The following CSMD2 variants were observed in gnomAD, a reference collection of about 807,000 sequenced individuals.
CSMD2 encodes the protein CUB and sushi domain-containing protein 2.
Under a neutral mutation model 398.5 loss-of-function variants are expected in CSMD2, and 130 were observed. The observed-to-expected ratio is 0.33, with a 90% CI of 0.28 to 0.38. The LOEUF is 0.38. Among genes scored for constraint, CSMD2 ranks in the 10% least tolerant of loss-of-function variants. CSMD2 has a pLI of 1.00. For missense variants in CSMD2, 3,829 were observed against 4,764.9 expected (o/e 0.80, Z 5.78); for synonymous variants, 1,828 against 1,908.5 (o/e 0.96, Z 1.10).
At chr1:34,022,617 G>C (rs1481795410) in intron 3 of CSMD2, among the ~76,000 whole-genome samples, 1 of 152,190 alleles carries the variant, frequency 6.6e-6, no homozygotes, top group Non-Finnish European at 1.5e-5. Flanking sequence ...TTTAGGCAGA[G>C]AACAGAAGAG....
At chr1:33,886,200 C>T (rs1353174446) in intron 5 of CSMD2, among the ~76,000 whole-genome samples, 3 of 152,114 alleles carry the variant, frequency 2.0e-5, no homozygotes, top group Non-Finnish European at 4.4e-5. Context: ...CCATGGGTGA[C>T]AGGAGCCATC....
chr1:33,741,032 G>A (rs891384874), intron 14 of CSMD2, among the ~76,000 whole-genome samples: 2 of 152,124 alleles, frequency 1.3e-5, no homozygotes, highest in Non-Finnish European at 1.5e-5. Context: ...TGACTGTTGA[G>A]TGCTCAGCAC....
chr1:33,674,742 A>T (rs1351302879), intron 25 of CSMD2, among the ~76,000 whole-genome samples: 1 of 152,222 alleles, frequency 6.6e-6, no homozygotes, highest in East Asian at 1.9e-4. Flanking sequence ...AAAGAACAGA[A>T]ATTATAACAA....
intron 12 of CSMD2, among the ~76,000 whole-genome samples, chr1:33,781,279 TCA>T (rs1652731021): frequency 6.6e-6 from 1 of 152,250 alleles, no homozygotes. Context: ...CAAGCAAGTC[TCA>T]GTTTCAGACA....
chr1:33,535,735 C>T (rs2641953), intron 62 of CSMD2, among the ~76,000 whole-genome samples: 96,606 of 151,992 alleles, frequency 0.64, 30,890 homozygotes, highest in Non-Finnish European at 0.68. Flanking sequence ...AGCTGGCCTA[C>T]TTTCCAGGCC....
intron 2 of CSMD2, among the ~76,000 whole-genome samples, chr1:34,059,715 T>C (rs1654246858): frequency 7.0e-6 from 1 of 142,384 alleles, no homozygotes; most frequent in Non-Finnish European, 1.5e-5. Flanking sequence ...GGGGAATGAA[T>C]ACGTGAATGA....
At chr1:33,801,355 G>A (rs918824486) in intron 10 of CSMD2, among the ~76,000 whole-genome samples, 1 of 152,130 alleles carries the variant, frequency 6.6e-6, no homozygotes, top group Non-Finnish European at 1.5e-5. Context: ...TGTGTAGGTA[G>A]GGGGCATCAA....
At chr1:34,080,550 A>G (rs911960712) in intron 2 of CSMD2, among the ~76,000 whole-genome samples, 2 of 152,134 alleles carry the variant, frequency 1.3e-5, no homozygotes, top group Non-Finnish European at 2.9e-5. Context: ...AATAATTTCT[A>G]AAGTATAAAC....
intron 15 of CSMD2, among the ~76,000 whole-genome samples, chr1:33,731,328 T>A (rs1013593829): frequency 1.3e-5 from 2 of 152,182 alleles, no homozygotes. Context: ...TTATAGCATG[T>A]TACCATTTTG....
chr1:33,614,357 C>T, intron 40 of CSMD2, 147 bp downstream of exon 40: 2 of 640,294 alleles, frequency 3.1e-6, no homozygotes, highest in Non-Finnish European at 2.9e-6. Flanking sequence ...CACAATTGTA[C>T]AAGAGGTCAA....
At chr1:34,141,979 G>C (rs1160579880) in intron 1 of CSMD2, among the ~76,000 whole-genome samples, 1 of 152,134 alleles carries the variant, frequency 6.6e-6, no homozygotes, top group East Asian at 1.9e-4. Context: ...GGTATCAAGG[G>C]TGACCACCAG....
At chr1:34,067,785 A>AT (rs1263183473) in intron 2 of CSMD2, among the ~76,000 whole-genome samples, 2 of 152,234 alleles carry the variant, frequency 1.3e-5, no homozygotes, top group African/African-American at 4.8e-5. Context: ...TCAAAATAAA[A>AT]TGAATAAAAA....
rs149050382 is a variant in CSMD2, at chr1:34,079,520, A to T, written c.404+9457T>A. Among the ~76,000 whole-genome samples, 64 of 152,338 alleles carry T rather than the reference A, an allele frequency of 4.2e-4. No individual in the cohort carries two copies. The East Asian group carries it at 0.012, about 29-fold the overall frequency. ...AAATTTCCATGTCAAGATGAAGAGGAACGATAACATGTTAAACTCTGCCTT... is the reference window on the plus strand; with the variant it reads ...AAATTTCCATGTCAAGATGAAGAGGTACGATAACATGTTAAACTCTGCCTT... On this transcript the variant is annotated intron_variant, in intron 2 of 70. Transcript: ENST00000373381.
intron 12 of CSMD2, among the ~76,000 whole-genome samples, chr1:33,782,966 G>C (rs1288773837): frequency 2.0e-5 from 3 of 152,278 alleles, no homozygotes; most frequent in East Asian, 3.9e-4. Context: ...ATGGGAGTGA[G>C]AGGACTAGAG....
At chr1:33,521,652 G>A (rs1377832521) in intron 67 of CSMD2, 102 bp from the exon 68 acceptor site, 3 of 800,534 alleles carry the variant, frequency 3.7e-6, no homozygotes, top group Non-Finnish European at 6.6e-6. Flanking sequence ...CCACTGACCT[G>A]CTGCTCTGAC....
intron 5 of CSMD2, among the ~76,000 whole-genome samples, chr1:33,876,812 T>A (rs1405187260): frequency 2.0e-5 from 3 of 152,168 alleles, no homozygotes; most frequent in Non-Finnish European, 4.4e-5. Flanking sequence ...GCCCTGGAAC[T>A]CTCAAGGCCC....
chr1:33,655,798 G>A (rs1643928178), intron 27 of CSMD2, among the ~76,000 whole-genome samples: 2 of 152,224 alleles, frequency 1.3e-5, no homozygotes, highest in South Asian at 2.1e-4. Context: ...AAGAGGCAAA[G>A]GCATTTATTC....
intron 2 of CSMD2, among the ~76,000 whole-genome samples, chr1:34,081,072 A>G (rs1571039057): frequency 6.6e-6 from 1 of 152,118 alleles, no homozygotes; most frequent in East Asian, 1.9e-4. Context: ...AGGATAATAG[A>G]CTTGACACTC....
At chr1:33,668,464 T>C (rs1644386041) in intron 25 of CSMD2, among the ~76,000 whole-genome samples, 1 of 152,208 alleles carries the variant, frequency 6.6e-6, no homozygotes, top group Admixed American at 6.5e-5. Flanking sequence ...AGACTTGGTT[T>C]GCCAACCCAA....
Sources: gnomAD v4.1 joint callset for allele counts (sites outside exome capture counted in the v4.1 genomes callset) on GRCh38, gnomAD v4.1.1 for gene constraint, MANE v1.5 for transcripts, NCBI Gene and HGNC (gene_info 2026-07-23, HGNC 2026-07-21) for gene names.